Variants in ARSJ observed in about 807,000 individuals in gnomAD.
ARSJ encodes arylsulfatase J.
In ARSJ, 26 loss-of-function variants were observed where a neutral mutation model predicts 35.9. The observed-to-expected ratio is 0.72, with a 90% CI of 0.53 to 1.00. ARSJ has a LOEUF of 1.00. ARSJ is among the 50% of genes least tolerant of loss of function. The probability of loss-of-function intolerance (pLI) is 0.00; values close to 1 mark genes in which losing one functional copy is unlikely to be tolerated. For synonymous variants in ARSJ, 294 were observed against 267.6 expected (o/e 1.10, Z -0.96); for missense variants, 667 against 723.6 (o/e 0.92, Z 0.90).
At chr4:113,917,569 C>T (rs549212516) in intron 1 of ARSJ, among the ~76,000 whole-genome samples, 1 of 152,166 alleles carries the variant, frequency 6.6e-6, no homozygotes, top group South Asian at 2.1e-4. Context: ...ATAAATCATT[C>T]ATCACAATAT....
chr4:113,946,813 TG>T (rs1725518970), intron 1 of ARSJ, among the ~76,000 whole-genome samples: 1 of 152,148 alleles, frequency 6.6e-6, no homozygotes, highest in Non-Finnish European at 1.5e-5. Flanking sequence ...TTTGGCGACT[TG>T]AATTACAGCT....
rs760393995 is a variant in ARSJ, at chr4:113,902,613, C to T, written c.1461G>A (p.Leu487=). ...PNRWHNERIT[L]STGKSVWLFN... Reference sequence around the variant, plus strand: ...AAAGCCATACACTTTTGCCAGTTGACAAGGTGATCCGTTCATTGTGCCACC... The same window carrying T: ...AAAGCCATACACTTTTGCCAGTTGATAAGGTGATCCGTTCATTGTGCCACC... The change falls in exon 2 of 2, where the codon TTG becomes TTA. Residue 487 remains leucine (L), a synonymous_variant. Coordinates refer to ENST00000315366, the MANE Select transcript of ARSJ (RefSeq NM_024590.4). 6.2e-7 allele frequency: 1 copy of T among 1,614,136 alleles called. No individual in the cohort carries two copies. The highest frequency in any genetic ancestry group is 2.2e-5 in the East Asian group (1 of 44,882).
intron 1 of ARSJ, among the ~76,000 whole-genome samples, chr4:113,934,215 A>C (rs1724629515): frequency 1.3e-5 from 2 of 151,936 alleles, no homozygotes; most frequent in Non-Finnish European, 1.5e-5. Flanking sequence ...AACAACTAAA[A>C]ATAGAGCTAC....
intron 1 of ARSJ, chr4:113,946,371 C>A (rs1725483636): frequency 6.6e-6 from 1 of 151,932 alleles, no homozygotes; most frequent in South Asian, 2.1e-4. Context: ...CAAGAGGACT[C>A]CTTTGCACAT....
chr4:113,948,668 G>A (rs1316304451), intron 1 of ARSJ, among the ~76,000 whole-genome samples: 1 of 152,034 alleles, frequency 6.6e-6, no homozygotes. Flanking sequence ...ATGTCTAAGT[G>A]ATCATACTTT....
At chr4:113,907,845 C>A (rs2099669232) in intron 1 of ARSJ, among the ~76,000 whole-genome samples, 1 of 152,046 alleles carries the variant, frequency 6.6e-6, no homozygotes, top group African/African-American at 2.4e-5. Flanking sequence ...AAACAGAAAA[C>A]CAAATACCAC....
In ARSJ at chr4:113,952,800, C is replaced by G. The variant is rs138714277; in HGVS notation, c.398+25637G>C. ...GGTTCACATAAGAACAGAGATAGAG[C>G]TGGGACGCAATCAAGACAGATCAGC... On this transcript the variant is annotated intron_variant, in intron 1 of 1. Coordinates refer to ENST00000315366, the MANE Select transcript of ARSJ (RefSeq NM_024590.4). Among the ~76,000 whole-genome samples, 435 of 152,118 alleles carry G rather than the reference C, an allele frequency of 2.9e-3. 5 individuals carry two copies. Among genetic ancestry groups the G allele is most frequent in the African/African-American group, 9.7e-3 (404 of 41,540 alleles).
At position 113,978,285 on chromosome 4, in the gene ARSJ, C is replaced by T. The variant is rs1475832225; in HGVS notation, c.398+152G>A. 15 of 732,398 alleles carry T rather than the reference C, an allele frequency of 2.0e-5. No individual in the cohort carries two copies. The Admixed American group carries it at 3.1e-4, about 15-fold the overall frequency. The allele number at this position is 732,398 out of a possible 1,614,324, so 45.4% of individuals were successfully genotyped here. On this transcript the variant is annotated intron_variant, in intron 1 of 1. Transcript: ENST00000315366. ...ATCATTAACATTGTATCCATTTTAA[C>T]ACGGTACCCCAATACCATACATCAT...
intron 1 of ARSJ, among the ~76,000 whole-genome samples, chr4:113,936,230 A>G (rs1724758491): frequency 6.6e-6 from 1 of 151,968 alleles, no homozygotes; most frequent in Non-Finnish European, 1.5e-5. Context: ...AGAGTGGAGA[A>G]GACAGTAAAA....
At chr4:113,930,773 C>G (rs370804869) in intron 1 of ARSJ, among the ~76,000 whole-genome samples, 1,725 of 150,040 alleles carry the variant, frequency 0.011, 13 homozygotes, top group African/African-American at 0.018. Context: ...TTGGAACCAA[C>G]CCAAATGTCC....
chr4:113,953,005 T>C (rs1213367866), intron 1 of ARSJ, among the ~76,000 whole-genome samples: 2 of 152,116 alleles, frequency 1.3e-5, no homozygotes, highest in African/African-American at 4.8e-5. Context: ...CTGTCTACTA[T>C]ATATCTAGCA....
rs1259930472 is a variant in ARSJ at position 113,900,370 on chromosome 4, TATAAA to T, written c.*1899_*1903del. ...AACTTTAGGAAATACAACTTTACAC[TATAAA>T]ATAAAATGGAGCCATATATTCTAGA... On this transcript the variant is annotated 3_prime_UTR_variant, in exon 2 of 2. Coordinates refer to ENST00000315366, the MANE Select transcript of ARSJ (RefSeq NM_024590.4). 6.6e-6 allele frequency: 1 copy of T among 152,202 alleles called. No homozygotes were observed. The highest frequency in any genetic ancestry group is 1.5e-5 in the Non-Finnish European group (1 of 68,018). The allele number at this position is 152,202 out of a possible 1,614,324, so 9.4% of individuals were successfully genotyped here. A position where few individuals can be genotyped will look rare whatever the true frequency, so the allele number is the denominator to read the frequency against.
intron 1 of ARSJ, among the ~76,000 whole-genome samples, chr4:113,926,584 T>TGG: frequency 6.6e-6 from 1 of 151,954 alleles, no homozygotes; most frequent in Non-Finnish European, 1.5e-5. Context: ...GTGGCAGGAG[T>TGG]GGGGACCATG....
At chr4:113,959,188 G>A (rs538092034) in intron 1 of ARSJ, among the ~76,000 whole-genome samples, 1 of 152,042 alleles carries the variant, frequency 6.6e-6, no homozygotes, top group Admixed American at 6.6e-5. Context: ...TTTTCTGAAT[G>A]GCTCACACAG....
At chr4:113,912,692 G>A (rs1437888601) in intron 1 of ARSJ, among the ~76,000 whole-genome samples, 2 of 151,604 alleles carry the variant, frequency 1.3e-5, no homozygotes, top group South Asian at 2.1e-4. Context: ...GAAACAATAC[G>A]TGGCTCATAA....
At position 113,902,467 on chromosome 4, in the gene ARSJ, G is replaced by A. The variant is rs915617859; in HGVS notation, c.1607C>T (p.Pro536Leu). 5.0e-6 allele frequency: 8 copies of A among 1,613,966 alleles called. No individual in the cohort carries two copies. The highest frequency in any genetic ancestry group is 5.1e-6 in the Non-Finnish European group (6 of 1,180,016). The part of the protein sequence containing the change: ...FNKTAVPVRY[P>L]PKDPRSNPRL... ...AGGGTTACTTCTGGGGTCTTTGGGG[G>A]GATACCTGACCGGCACTGCAGTTTT... Residue 536 changes from proline to leucine, a missense_variant, in exon 2 of 2, where the codon CCC becomes CTC. Coordinates refer to ENST00000315366, the MANE Select transcript of ARSJ (RefSeq NM_024590.4).
At chr4:113,914,384 A>G (rs770975725) in intron 1 of ARSJ, among the ~76,000 whole-genome samples, 2 of 152,200 alleles carry the variant, frequency 1.3e-5, no homozygotes, top group Non-Finnish European at 2.9e-5. Context: ...TAAGAAGTTT[A>G]ACATTTTCTT....
chr4:113,950,641 CAAATTCTGGAAGTATAT>C (rs1725809676), intron 1 of ARSJ, among the ~76,000 whole-genome samples: 1 of 151,992 alleles, frequency 6.6e-6, no homozygotes, highest in South Asian at 2.1e-4. Context: ...AAAAGGCCTG[CAAATTCTGGAAGTATAT>C]AAATTCTGTT....
At chr4:113,926,814 T>G (rs1273355869) in intron 1 of ARSJ, among the ~76,000 whole-genome samples, 1 of 152,114 alleles carries the variant, frequency 6.6e-6, no homozygotes. Context: ...CAAAGCCCAG[T>G]AACAGGCCAA....
Sources: allele counts gnomAD v4.1 joint callset (sites outside exome capture counted in the v4.1 genomes callset), GRCh38; gene constraint gnomAD v4.1.1; transcripts MANE v1.5; gene names NCBI Gene and HGNC (gene_info 2026-07-23, HGNC 2026-07-21).